The following EPM2A variants were observed in gnomAD, a reference collection of about 807,000 sequenced individuals.
EPM2A encodes the protein EPM2A glucan phosphatase, laforin.
EPM2A carries 21 observed loss-of-function variants against 26.5 expected under a neutral mutation model. The observed-to-expected ratio is 0.79, with a 90% CI of 0.56 to 1.14. The LOEUF is 1.14. Ranked by LOEUF, EPM2A falls within the 50% of genes most tolerant of loss-of-function variation. The probability of loss-of-function intolerance (pLI) is 0.00; values close to 1 mark genes in which losing one functional copy is unlikely to be tolerated. For missense variants in EPM2A, 458 were observed against 440.8 expected (o/e 1.04, Z -0.35); for synonymous variants, 217 against 177.6 (o/e 1.22, Z -1.76).
At chr6:145,654,293 T>C (rs1264480472) in intron 2 of EPM2A, among the ~76,000 whole-genome samples, 2 of 152,082 alleles carry the variant, frequency 1.3e-5, no homozygotes, top group African/African-American at 4.8e-5. Context: ...GCAATTCTCC[T>C]GCCTCAGCCT....
intron 4 of EPM2A, among the ~76,000 whole-genome samples, chr6:145,394,896 T>C (rs934642595): frequency 6.6e-6 from 1 of 152,164 alleles, no homozygotes; most frequent in African/African-American, 2.4e-5. Flanking sequence ...TTATAGGATA[T>C]AAGCTTCCCC....
At chr6:145,551,432 A>C (rs1235067868) in intron 2 of EPM2A, among the ~76,000 whole-genome samples, 1 of 152,026 alleles carries the variant, frequency 6.6e-6, no homozygotes, top group Non-Finnish European at 1.5e-5. Context: ...ATGAAAGCCT[A>C]GTAAAAGGTT....
intron 4 of EPM2A, among the ~76,000 whole-genome samples, chr6:145,487,733 A>T (rs1420857889): frequency 6.6e-6 from 1 of 152,092 alleles, no homozygotes; most frequent in African/African-American, 2.4e-5. Context: ...TTTCAGATGC[A>T]TAGTTTGCAA....
chr6:145,542,606 A>G (rs537733368), intron 2 of EPM2A, among the ~76,000 whole-genome samples: 262 of 152,308 alleles, frequency 1.7e-3, no homozygotes, highest in African/African-American at 5.9e-3. Flanking sequence ...GAGCATATTC[A>G]CCTGATGTCA....
intron 4 of EPM2A, among the ~76,000 whole-genome samples, chr6:145,482,220 G>T (rs1779618326): frequency 6.6e-6 from 1 of 152,128 alleles, no homozygotes. Flanking sequence ...TTGTGGCAAT[G>T]ATAATAAATT....
At chr6:145,695,494 T>C (rs966112619) in intron 1 of EPM2A, among the ~76,000 whole-genome samples, 1 of 151,928 alleles carries the variant, frequency 6.6e-6, no homozygotes, top group Non-Finnish European at 1.5e-5. Flanking sequence ...TCAAAAGATA[T>C]AAAGTGACTG....
chr6:145,590,630 T>C lies in EPM2A; in HGVS notation c.340+44615A>G, dbSNP rs147436331. Among the ~76,000 whole-genome samples, 201 of 152,206 alleles carry C rather than the reference T, an allele frequency of 1.3e-3. 2 individuals are homozygous for C. The highest frequency in any genetic ancestry group is 4.7e-3 in the African/African-American group (196 of 41,516). ...AGAGCTGCAAGCCACTGACTTAAGG[T>C]AAACTTCTTAGGGAATTCTGAAGAT... On this transcript the variant is annotated intron_variant, in intron 2 of 3. Transcript: ENST00000450221.
chr6:145,684,585 C>T (rs1488470693), intron 2 of EPM2A, among the ~76,000 whole-genome samples: 1 of 152,168 alleles, frequency 6.6e-6, no homozygotes, highest in African/African-American at 2.4e-5. Context: ...ACTATTGTCT[C>T]ATCTAGACTC....
intron 1 of EPM2A, among the ~76,000 whole-genome samples, chr6:145,727,380 T>C (rs1258274403): frequency 6.6e-6 from 1 of 152,166 alleles, no homozygotes; most frequent in African/African-American, 2.4e-5. Flanking sequence ...TCATAGCAGA[T>C]TAGACCTAGA....
chr6:145,559,924 T>C (rs1780781897), intron 2 of EPM2A, among the ~76,000 whole-genome samples: 1 of 152,124 alleles, frequency 6.6e-6, no homozygotes, highest in African/African-American at 2.4e-5. Context: ...TATGAAATGA[T>C]TAAACAAAAA....
intron 4 of EPM2A, among the ~76,000 whole-genome samples, chr6:145,450,350 CAAAAAAAAAAAA>C (rs368618860): frequency 1.6e-5 from 1 of 62,494 alleles, no homozygotes; most frequent in Non-Finnish European, 3.0e-5. Context: ...GACTCCGTCT[CAAAAAAAAAAAA>C]AAAAAAAAAA....
rs879438104 is a variant in EPM2A at position 145,696,805 on chromosome 6, G to GTGTT, written c.302-10510_302-10509insAACA. Among the ~76,000 whole-genome samples the GTGTT allele has an allele frequency of 2.3e-3, 348 of 151,130 alleles. 1 individual carries two copies. Among genetic ancestry groups the GTGTT allele is most frequent in the South Asian group, 9.0e-3 (43 of 4,780 alleles). Reference sequence around the variant, plus strand: ...TGTGTGTGTGTGTGTGTGTGTGTGTGTGTGTGTGTGTGTGTGTGTGTGGTG... The same window carrying GTGTT: ...TGTGTGTGTGTGTGTGTGTGTGTGTGTGTTTGTGTGTGTGTGTGTGTGTGTGGTG... On this transcript the variant is annotated intron_variant, in intron 1 of 3. Transcript: ENST00000367519.
chr6:145,687,108 C>CA (rs1780976765), intron 1 of EPM2A, among the ~76,000 whole-genome samples: 1 of 152,120 alleles, frequency 6.6e-6, no homozygotes, highest in Admixed American at 6.6e-5. Context: ...TTTGTCCCCC[C>CA]AAAATTTATA....
At chr6:145,498,788 C>A (rs1779853600), downstream of EPM2A, among the ~76,000 whole-genome samples, 1 of 152,184 alleles carries the variant, frequency 6.6e-6, no homozygotes, top group Non-Finnish European at 1.5e-5. Flanking sequence ...GAGTGCCATG[C>A]ACCATAGCTG....
intron 4 of EPM2A, among the ~76,000 whole-genome samples, chr6:145,495,674 T>A (rs1012263940): frequency 2.0e-5 from 3 of 152,132 alleles, no homozygotes; most frequent in Non-Finnish European, 4.4e-5. Flanking sequence ...ACCTCCTGGG[T>A]TCAAGCAATT....
chr6:145,678,652 TTCA>T (rs1780254595), intron 2 of EPM2A, among the ~76,000 whole-genome samples: 1 of 151,998 alleles, frequency 6.6e-6, no homozygotes, highest in Admixed American at 6.6e-5. Flanking sequence ...TGAAAAAATG[TTCA>T]TCATCCCTGG....
intron 1 of EPM2A, among the ~76,000 whole-genome samples, chr6:145,711,467 G>A (rs578157187): frequency 6.6e-6 from 1 of 152,096 alleles, no homozygotes; most frequent in East Asian, 1.9e-4. Context: ...CTACTTATAG[G>A]ACTCCCAGAT....
intron 4 of EPM2A, among the ~76,000 whole-genome samples, chr6:145,448,074 A>G (rs185763083): frequency 0.012 from 1,806 of 152,276 alleles, 15 homozygotes; most frequent in Non-Finnish European, 0.018. Flanking sequence ...GGACATAAGT[A>G]TGTATAAGAT....
chr6:145,566,099 T>G (rs915780573), intron 2 of EPM2A, among the ~76,000 whole-genome samples: 1 of 152,160 alleles, frequency 6.6e-6, no homozygotes, highest in African/African-American at 2.4e-5. Context: ...CAAAATCATC[T>G]GCATGGTACA....
Sources: allele counts gnomAD v4.1 joint callset (sites outside exome capture counted in the v4.1 genomes callset), GRCh38; gene constraint gnomAD v4.1.1; transcripts MANE v1.5; gene names NCBI Gene and HGNC (gene_info 2026-07-23, HGNC 2026-07-21).